Variants in LRRTM3 observed in about 807,000 individuals in gnomAD.
LRRTM3 encodes leucine rich repeat transmembrane neuronal 3.
Under a neutral mutation model 44.7 loss-of-function variants are expected in LRRTM3, and 24 were observed. The observed-to-expected ratio is 0.54, with a 90% CI of 0.39 to 0.76. The LOEUF is 0.76. LRRTM3 is among the 30% of genes least tolerant of loss of function. The pLI, the probability that LRRTM3 is intolerant of heterozygous loss-of-function variation, is 0.00. For synonymous variants in LRRTM3, 277 were observed against 278.7 expected, an observed-to-expected ratio of 0.99 and a Z score of 0.06; for missense variants, 587 against 702.2, an observed-to-expected ratio of 0.84 and a Z score of 1.85.
At chr10:66,983,028 G>T (rs1040849865) in intron 2 of LRRTM3, among the ~76,000 whole-genome samples, 1 of 152,218 alleles carries the variant, frequency 6.6e-6, no homozygotes, top group African/African-American at 2.4e-5. Flanking sequence ...AGGGCAGGTT[G>T]CTGAGAGCAG....
chr10:66,948,786 A>G (rs1451361291), intron 2 of LRRTM3, among the ~76,000 whole-genome samples: 1 of 152,154 alleles, frequency 6.6e-6, no homozygotes, highest in African/African-American at 2.4e-5. Context: ...AATGAAGTAA[A>G]AAAAATCCCA....
chr10:67,040,053 ATCTC>A (rs758455473), intron 2 of LRRTM3, among the ~76,000 whole-genome samples: 1 of 151,928 alleles, frequency 6.6e-6, no homozygotes, highest in Non-Finnish European at 1.5e-5. Context: ...ACACCCATTC[ATCTC>A]TCTCTTTTTT....
chr10:66,985,858 A>G (rs61866224), intron 2 of LRRTM3, among the ~76,000 whole-genome samples: 62,011 of 151,646 alleles, frequency 0.41, 13,247 homozygotes, highest in South Asian at 0.6. Context: ...CTCCCAAGTA[A>G]CTGGGATTAC....
At chr10:67,071,740 T>C (rs2619650) in intron 2 of LRRTM3, among the ~76,000 whole-genome samples, 52,728 of 151,978 alleles carry the variant, frequency 0.35, 9,663 homozygotes, top group Middle Eastern at 0.56. Flanking sequence ...ACTTCATTTT[T>C]ACTTATGTTT....
At chr10:67,081,645 G>A (rs1270027640) in intron 2 of LRRTM3, among the ~76,000 whole-genome samples, 2 of 152,170 alleles carry the variant, frequency 1.3e-5, no homozygotes, top group African/African-American at 4.8e-5. Context: ...ACCTGTCACT[G>A]TTGCTCCATA....
At chr10:67,026,356 C>T (rs1262567358) in intron 2 of LRRTM3, among the ~76,000 whole-genome samples, 1 of 151,568 alleles carries the variant, frequency 6.6e-6, no homozygotes, top group African/African-American at 2.4e-5. Context: ...ATTTTTGGAA[C>T]ATTTTGTAAA....
At chr10:67,019,367 T>G (rs950772130) in intron 2 of LRRTM3, among the ~76,000 whole-genome samples, 1 of 152,064 alleles carries the variant, frequency 6.6e-6, no homozygotes, top group Non-Finnish European at 1.5e-5. Context: ...TACAGGCATG[T>G]GCCACCACGC....
rs955295812 is a variant in LRRTM3 at position 66,962,314 on chromosome 10, T to A, written c.1536+33862T>A. Among the ~76,000 whole-genome samples, 22 of 152,136 alleles carry A rather than the reference T, an allele frequency of 1.4e-4. 1 individual carries two copies. Among genetic ancestry groups the A allele is most frequent in the African/African-American group, 4.1e-4 (17 of 41,440 alleles). Reference sequence around the variant, plus strand: ...TTACAGGAAGAGAACTTCCTCATGGTCTCCGTACTTACACCTCCTTCTGCC... The same window carrying A: ...TTACAGGAAGAGAACTTCCTCATGGACTCCGTACTTACACCTCCTTCTGCC... On this transcript the variant is annotated intron_variant, in intron 2 of 2. Transcript: ENST00000361320.
chr10:67,008,186 C>A (rs1852119144), intron 2 of LRRTM3, among the ~76,000 whole-genome samples: 1 of 151,636 alleles, frequency 6.6e-6, no homozygotes. Context: ...AAAACTTATG[C>A]TTTAAAAAGT....
intron 2 of LRRTM3, among the ~76,000 whole-genome samples, chr10:67,014,965 A>T (rs1393039956): frequency 1.3e-5 from 2 of 152,080 alleles, no homozygotes; most frequent in African/African-American, 4.8e-5. Flanking sequence ...ACTAAAGAAA[A>T]TTTGAACTAA....
intron 2 of LRRTM3, among the ~76,000 whole-genome samples, chr10:66,987,933 A>G (rs2840237): frequency 0.87 from 131,953 of 152,138 alleles, 57,358 homozygotes; most frequent in East Asian, 1. Context: ...TTTTCAAATG[A>G]TCTTTTAAAA....
intron 2 of LRRTM3, chr10:67,054,908 C>T (rs1241888413): frequency 6.6e-6 from 1 of 152,116 alleles, no homozygotes; most frequent in Non-Finnish European, 1.5e-5. Context: ...GAATGTTTTA[C>T]AAATGACTGT....
At chr10:67,050,556 A>G (rs1422922409) in intron 2 of LRRTM3, among the ~76,000 whole-genome samples, 1 of 152,152 alleles carries the variant, frequency 6.6e-6, no homozygotes, top group African/African-American at 2.4e-5. Flanking sequence ...GCAAAACCTA[A>G]GACCACCTTC....
At chr10:66,974,864 T>C (rs1186629708) in intron 2 of LRRTM3, among the ~76,000 whole-genome samples, 1 of 152,182 alleles carries the variant, frequency 6.6e-6, no homozygotes, top group Non-Finnish European at 1.5e-5. Context: ...GAGTTGTTTT[T>C]TCTTCATATT....
At chr10:67,060,588 AT>A (rs542116462) in intron 2 of LRRTM3, among the ~76,000 whole-genome samples, 14 of 152,276 alleles carry the variant, frequency 9.2e-5, no homozygotes, top group African/African-American at 3.4e-4. Flanking sequence ...AGTGGAAAGG[AT>A]TTGTGTCACT....
intron 2 of LRRTM3, among the ~76,000 whole-genome samples, chr10:67,037,263 T>G (rs1054835386): frequency 3.3e-5 from 5 of 152,100 alleles, no homozygotes; most frequent in African/African-American, 1.2e-4. Flanking sequence ...TTTAGAGATA[T>G]TTAATCATTT....
intron 2 of LRRTM3, among the ~76,000 whole-genome samples, chr10:66,963,855 T>C (rs1294875906): frequency 1.3e-5 from 2 of 151,902 alleles, no homozygotes; most frequent in Non-Finnish European, 2.9e-5. Flanking sequence ...ATTTTTTTTT[T>C]TTTTTTAAGA....
chr10:66,941,630 T>A (rs1297833539), intron 2 of LRRTM3, among the ~76,000 whole-genome samples: 1 of 152,104 alleles, frequency 6.6e-6, no homozygotes, highest in African/African-American at 2.4e-5. Flanking sequence ...GAACACGATA[T>A]CAGTCTGCAG....
At chr10:66,978,545 AAAAAAAAATATATATATATATATATAGT>A (rs1850208537) in intron 2 of LRRTM3, among the ~76,000 whole-genome samples, 2 of 114,230 alleles carry the variant, frequency 1.8e-5, no homozygotes, top group South Asian at 5.9e-4. Context: ...AAAAAAAAAA[AAAAAAAAATATATATATATATATATAGT>A]ATGGTGTACT....
Sources: gnomAD v4.1 joint callset for allele counts (sites outside exome capture counted in the v4.1 genomes callset) on GRCh38, gnomAD v4.1.1 for gene constraint, MANE v1.5 for transcripts, NCBI Gene and HGNC (gene_info 2026-07-23, HGNC 2026-07-21) for gene names.